The following ZDHHC14 variants were observed in gnomAD, a reference collection of about 807,000 sequenced individuals.
ZDHHC14 encodes the protein zDHHC palmitoyltransferase 14.
A neutral mutation model predicts 47.7 loss-of-function variants in ZDHHC14; 16 were observed. The ratio of observed to expected loss-of-function variants is 0.34; its 90% CI spans 0.23 to 0.51. The LOEUF (loss-of-function observed/expected upper bound fraction) is 0.51. Ranked by LOEUF, ZDHHC14 falls within the 20% of genes least tolerant of loss-of-function variation. The pLI is 0.97. For missense variants in ZDHHC14, 515 were observed against 662.5 expected, an observed-to-expected ratio of 0.78 and a Z score of 2.44; for synonymous variants, 293 against 278.9, an observed-to-expected ratio of 1.05 and a Z score of -0.50.
At chr6:157,648,138 T>C (rs1777649805) in intron 7 of ZDHHC14, among the ~76,000 whole-genome samples, 2 of 152,210 alleles carry the variant, frequency 1.3e-5, no homozygotes, top group African/African-American at 4.8e-5. Context: ...AAGTTCAAAA[T>C]ACAGATTCTT....
intron 2 of ZDHHC14, among the ~76,000 whole-genome samples, chr6:157,558,714 A>G (rs1566958): frequency 0.3 from 45,947 of 151,678 alleles, 7,096 homozygotes; most frequent in East Asian, 0.41. Context: ...GGTGGTTGTA[A>G]GGAGTCATTA....
chr6:157,422,169 C>G (rs1174600521), intron 1 of ZDHHC14, among the ~76,000 whole-genome samples: 1 of 152,168 alleles, frequency 6.6e-6, no homozygotes, highest in African/African-American at 2.4e-5. Context: ...GGAGGCTCTT[C>G]TCTGGATAGT....
intron 1 of ZDHHC14, among the ~76,000 whole-genome samples, chr6:157,437,745 A>G (rs1347227747): frequency 6.6e-6 from 1 of 152,240 alleles, no homozygotes; most frequent in Non-Finnish European, 1.5e-5. Context: ...ACGGGATAAT[A>G]AATTCATATA....
At chr6:157,507,424 C>T (rs989489613) in intron 1 of ZDHHC14, among the ~76,000 whole-genome samples, 13 of 151,938 alleles carry the variant, frequency 8.6e-5, no homozygotes, top group Admixed American at 3.3e-4. Flanking sequence ...GCTGGGATTA[C>T]AGGCACGCCA....
intron 1 of ZDHHC14, among the ~76,000 whole-genome samples, chr6:157,397,131 A>G (rs1004369353): frequency 1.3e-5 from 2 of 152,204 alleles, no homozygotes; most frequent in Non-Finnish European, 2.9e-5. Flanking sequence ...CATAGCTGGT[A>G]TTGTCAAGAC....
intron 1 of ZDHHC14, among the ~76,000 whole-genome samples, chr6:157,450,734 T>A (rs1022960016): frequency 6.6e-6 from 1 of 152,084 alleles, no homozygotes; most frequent in Non-Finnish European, 1.5e-5. Flanking sequence ...TCAGCCCCCA[T>A]CCTTGGATTG....
chr6:157,608,727 G>A (rs1784642309), intron 3 of ZDHHC14, among the ~76,000 whole-genome samples: 1 of 152,170 alleles, frequency 6.6e-6, no homozygotes, highest in African/African-American at 2.4e-5. Context: ...CTTATCTGAG[G>A]ACAAGAGACA....
At chr6:157,522,942 T>TTTCTTTCTTTCTTTCTTTCTTTCTTTCC (rs1487967366) in intron 1 of ZDHHC14, among the ~76,000 whole-genome samples, 1 of 48,204 alleles carries the variant, frequency 2.1e-5, no homozygotes, top group African/African-American at 1.4e-4. Context: ...TCTTTCTTTC[T>TTTCTTTCTTTCTTTCTTTCTTTCTTTCC]TTCCTTCCTT....
At chr6:157,632,670 T>G in intron 4 of ZDHHC14, 164 bp from the exon 5 acceptor site, 1 of 706,204 alleles carries the variant, frequency 1.4e-6, no homozygotes, top group Non-Finnish European at 2.5e-6. Context: ...TGAAAAACTT[T>G]AGTGGCATCT....
chr6:157,487,452 A>C lies in ZDHHC14; in HGVS notation c.246-55133A>C, dbSNP rs568698668. ...AAAATCCAAAATAAAGAAAAAAGTG[A>C]TATCAACTTGTAGTAGTTACTAAAC... On this transcript the variant is annotated intron_variant, in intron 1 of 8. Coordinates refer to ENST00000359775, the MANE Select transcript of ZDHHC14 (RefSeq NM_024630.3). Among the ~76,000 whole-genome samples the C allele has an allele frequency of 4.6e-5, 7 of 152,366 alleles. No homozygotes were observed. In the South Asian group the frequency reaches 1.5e-3, roughly 32 times the overall value.
At chr6:157,566,221 G>A (rs916249218) in intron 2 of ZDHHC14, among the ~76,000 whole-genome samples, 1 of 147,408 alleles carries the variant, frequency 6.8e-6, no homozygotes, top group Non-Finnish European at 1.5e-5. Context: ...GAGAAAGAAG[G>A]AAAAGCTCAA....
intron 1 of ZDHHC14, among the ~76,000 whole-genome samples, chr6:157,472,382 A>C (rs112952399): frequency 0.019 from 2,896 of 152,212 alleles, 95 homozygotes; most frequent in African/African-American, 0.066. Flanking sequence ...GTCCCTCCAC[A>C]GGGAGATAAA....
In ZDHHC14 at chr6:157,582,030, G is replaced by T. The variant is rs1783539005; in HGVS notation, c.407-10958G>T. Among the ~76,000 whole-genome samples, 1 of 152,074 alleles carries T rather than the reference G, an allele frequency of 6.6e-6. No individual in the cohort carries two copies. The highest frequency in any genetic ancestry group is 2.4e-5 in the African/African-American group (1 of 41,396). ...CCCACCTCAACCTCCTGAGTAGCTG[G>T]AACTACAGGCACACGCCACCATGCC... On this transcript the variant is annotated intron_variant, in intron 2 of 8. Transcript: ENST00000359775. This position sits in a 1 kb window ranked among gnomAD's most constrained non-coding sequence, Gnocchi z 4.3.
At chr6:157,446,910 G>C (rs568021745) in intron 1 of ZDHHC14, among the ~76,000 whole-genome samples, 1 of 152,060 alleles carries the variant, frequency 6.6e-6, no homozygotes, top group Non-Finnish European at 1.5e-5. Flanking sequence ...CCTGAGGTCA[G>C]GAGTTCGAGA....
chr6:157,527,762 T>G (rs1338350134), intron 1 of ZDHHC14, among the ~76,000 whole-genome samples: 2 of 152,218 alleles, frequency 1.3e-5, no homozygotes, highest in African/African-American at 4.8e-5. Context: ...CAGGAAGTTG[T>G]TTCTGGAAAT....
At chr6:157,522,370 A>G (rs1286774514) in intron 1 of ZDHHC14, among the ~76,000 whole-genome samples, 1 of 152,210 alleles carries the variant, frequency 6.6e-6, no homozygotes, top group African/African-American at 2.4e-5. Flanking sequence ...AGTAAATGCT[A>G]ATGAGAAACT....
intron 1 of ZDHHC14, among the ~76,000 whole-genome samples, chr6:157,534,089 C>T (rs558480787): frequency 6.6e-5 from 10 of 152,184 alleles, no homozygotes; most frequent in African/African-American, 1.9e-4. Context: ...ACAGAGTTTC[C>T]AGAAGGGAGG....
rs547502986 is a variant in ZDHHC14 at position 157,462,564 on chromosome 6, T to C, written c.246-80021T>C. ...ATGAAGATTCCGAGGACTTTTGGGT[T>C]AGGCAAAGAAATGTGGTATTCTCTG... On this transcript the variant is annotated intron_variant, in intron 1 of 8. Coordinates refer to ENST00000359775, the MANE Select transcript of ZDHHC14 (RefSeq NM_024630.3). Among the ~76,000 whole-genome samples, 31 of 152,374 alleles carry C rather than the reference T, an allele frequency of 2.0e-4. 1 individual carries two copies. The South Asian group carries it at 6.2e-3, about 31-fold the overall frequency.
intron 1 of ZDHHC14, among the ~76,000 whole-genome samples, chr6:157,441,228 T>G (rs1778555046): frequency 6.6e-6 from 1 of 152,206 alleles, no homozygotes. Flanking sequence ...CGCTCATGGC[T>G]CAGATTTTTG....
Sources: gnomAD v4.1 joint callset for allele counts (sites outside exome capture counted in the v4.1 genomes callset) on GRCh38, gnomAD v4.1.1 for gene constraint, Gnocchi (gnomAD v3.1) non-coding constraint, MANE v1.5 for transcripts, NCBI Gene and HGNC (gene_info 2026-07-23, HGNC 2026-07-21) for gene names.